The following NARS2 variants were observed in gnomAD, a reference collection of about 807,000 sequenced individuals.
The protein encoded by NARS2 is asparaginyl-tRNA synthetase 2, mitochondrial, also known as asparaginyl-tRNA synthetase.
A neutral mutation model predicts 62.9 loss-of-function variants in NARS2; 60 were observed. The ratio of observed to expected loss-of-function variants is 0.95; its 90% CI spans 0.77 to 1.18. The LOEUF (loss-of-function observed/expected upper bound fraction) is 1.18. NARS2 is among the 50% of genes most tolerant of loss of function. NARS2 has a pLI of 0.00. For synonymous variants in NARS2, 196 were observed against 200.0 expected (o/e 0.98, Z 0.17); for missense variants, 619 against 576.4 (o/e 1.07, Z -0.76).
intron 5 of NARS2, among the ~76,000 whole-genome samples, chr11:78,549,780 G>GC (rs1218350898): frequency 1.3e-5 from 2 of 152,066 alleles, no homozygotes; most frequent in African/African-American, 4.8e-5. Context: ...CAAAACCAGT[G>GC]CCATCCTTAT....
intron 6 of NARS2, among the ~76,000 whole-genome samples, chr11:78,507,889 T>C (rs537384518): frequency 6.6e-6 from 1 of 151,598 alleles, no homozygotes; most frequent in African/African-American, 2.4e-5. Flanking sequence ...AGGGGAAAAA[T>C]AAATCCACAG....
At chr11:78,564,959 CAAGGG>C (rs1394418361) in intron 4 of NARS2, among the ~76,000 whole-genome samples, 2 of 152,148 alleles carry the variant, frequency 1.3e-5, no homozygotes, top group Non-Finnish European at 2.9e-5. Context: ...GGATACAGCC[CAAGGG>C]AAGTCTATAA....
rs1857538245 is a variant in NARS2 at position 78,440,346 on chromosome 11, G to A, written c.1289+745C>T. Among the ~76,000 whole-genome samples, 3 of 152,028 alleles carry A rather than the reference G, an allele frequency of 2.0e-5. No homozygotes were observed. In the South Asian group the frequency reaches 6.2e-4, roughly 32 times the overall value. ...CCCAAAGTGCTGGGATTACAGGCGT[G>A]AGCCACCATGCCCGGCCGAGCCAAG... On this transcript the variant is annotated intron_variant, in intron 13 of 13. Coordinates refer to ENST00000281038, the MANE Select transcript of NARS2 (RefSeq NM_024678.6).
At chr11:78,454,068 G>A (rs1189992030) in intron 11 of NARS2, among the ~76,000 whole-genome samples, 1 of 152,166 alleles carries the variant, frequency 6.6e-6, no homozygotes, top group African/African-American at 2.4e-5. Context: ...TGAACCAGAA[G>A]AAAACATCAG....
intron 9 of NARS2, among the ~76,000 whole-genome samples, chr11:78,471,456 A>AATGTATT (rs1325416614): frequency 6.6e-6 from 1 of 152,346 alleles, no homozygotes; most frequent in East Asian, 1.9e-4. Context: ...TAATTTTTGT[A>AATGTATT]ATGTATTATA....
intron 6 of NARS2, among the ~76,000 whole-genome samples, chr11:78,502,451 C>A (rs1264627788): frequency 6.6e-6 from 1 of 152,184 alleles, no homozygotes; most frequent in Non-Finnish European, 1.5e-5. Context: ...ACCCTTATGT[C>A]CTCATATAAC....
chr11:78,444,154 T>C (rs2135142402), intron 11 of NARS2: 1 of 155,278 alleles, frequency 6.4e-6, no homozygotes, highest in Admixed American at 6.3e-5. Flanking sequence ...TACAAACTAA[T>C]ATTTTTCCTA....
At chr11:78,466,442 C>G (rs1387669870) in intron 10 of NARS2, among the ~76,000 whole-genome samples, 2 of 151,984 alleles carry the variant, frequency 1.3e-5, no homozygotes, top group Non-Finnish European at 2.9e-5. Context: ...GATAATATTC[C>G]TAATATTGAG....
At chr11:78,560,368 CACAAAAGCTGTTGCTAGT>C in intron 4 of NARS2, among the ~76,000 whole-genome samples, 1 of 152,176 alleles carries the variant, frequency 6.6e-6, no homozygotes, top group Non-Finnish European at 1.5e-5. Flanking sequence ...ATTAGTGAAC[CACAAAAGCTGTTGCTAGT>C]CAGCAACTTC....
At chr11:78,545,674 A>C (rs115213436) in intron 5 of NARS2, among the ~76,000 whole-genome samples, 1,624 of 151,926 alleles carry the variant, frequency 0.011, 32 homozygotes, top group African/African-American at 0.038. Context: ...GCAGTTGTGC[A>C]TGCCACTGTG....
chr11:78,571,399 G>C lies in NARS2; in HGVS notation c.187C>G (p.His63Asp). 4 of 1,613,478 alleles carry C rather than the reference G, an allele frequency of 2.5e-6. No homozygotes were observed. Among genetic ancestry groups the C allele is most frequent in the Non-Finnish European group, 3.4e-6 (4 of 1,179,820 alleles). ...TCCAAAGATGACCCATCATTTACAT[G>C]CAGGAACAAGACTTCCTTCTGGGAT... ...VRSQKEVLFL[H>D]VNDGSSLESL... The change falls in exon 2 of 14, where the codon CAT becomes GAT. Residue 63 changes from histidine to aspartate, a missense_variant. His to Asp is a moderately conservative substitution (Grantham distance 81). Coordinates refer to ENST00000281038, the MANE Select transcript of NARS2 (RefSeq NM_024678.6).
chr11:78,484,606 T>G (rs1285901774), intron 7 of NARS2, among the ~76,000 whole-genome samples: 1 of 151,720 alleles, frequency 6.6e-6, no homozygotes, highest in Non-Finnish European at 1.5e-5. Flanking sequence ...TCTTAAAAAT[T>G]TATGCAGCCA....
chr11:78,546,640 G>C (rs991075109), intron 5 of NARS2: 3 of 152,144 alleles, frequency 2.0e-5, no homozygotes, highest in South Asian at 2.1e-4. Context: ...TATTGCATTA[G>C]GTAAGTGATA....
At chr11:78,568,544 GTT>G (rs1856815206) in intron 3 of NARS2, 86 bp downstream of exon 3, 2 of 1,418,986 alleles carry the variant, frequency 1.4e-6, no homozygotes, top group Admixed American at 4.5e-5. Flanking sequence ...TATATTCTAA[GTT>G]TCATCTTCCT....
At chr11:78,477,749 G>A (rs4945282) in intron 9 of NARS2, among the ~76,000 whole-genome samples, 47,195 of 152,000 alleles carry the variant, frequency 0.31, 8,971 homozygotes, top group African/African-American at 0.52. Flanking sequence ...TGCTAAGACA[G>A]AGACTAATCT....
chr11:78,496,335 T>C (rs533342336), intron 6 of NARS2, among the ~76,000 whole-genome samples: 120 of 152,110 alleles, frequency 7.9e-4, no homozygotes, highest in Admixed American at 2.5e-3. Flanking sequence ...GGAATGATCA[T>C]TATGGGCCAA....
At chr11:78,537,124 A>G (rs893979438) in intron 5 of NARS2, among the ~76,000 whole-genome samples, 3 of 152,204 alleles carry the variant, frequency 2.0e-5, no homozygotes, top group Non-Finnish European at 4.4e-5. Flanking sequence ...TGGTTGCACA[A>G]TGATGAAATC....
At chr11:78,527,524 A>T (rs1029057500) in intron 6 of NARS2, among the ~76,000 whole-genome samples, 1 of 152,222 alleles carries the variant, frequency 6.6e-6, no homozygotes, top group African/African-American at 2.4e-5. Context: ...TTTGTTTCAA[A>T]GATAAATCAG....
At chr11:78,505,587 A>G (rs1860463327) in intron 6 of NARS2, among the ~76,000 whole-genome samples, 2 of 152,132 alleles carry the variant, frequency 1.3e-5, no homozygotes, top group African/African-American at 4.8e-5. Context: ...GGGCCTAGCT[A>G]TCTGTCTGTA....
Sources: allele counts gnomAD v4.1 joint callset (sites outside exome capture counted in the v4.1 genomes callset), GRCh38; gene constraint gnomAD v4.1.1; transcripts MANE v1.5; gene names NCBI Gene and HGNC (gene_info 2026-07-23, HGNC 2026-07-21).